The following ASTN1 variants were observed in gnomAD, a reference collection of about 807,000 sequenced individuals.
ASTN1 encodes the protein astrotactin-1.
ASTN1 carries 41 observed loss-of-function variants against 140.7 expected under a neutral mutation model. That is an observed-to-expected ratio of 0.29 (90% CI 0.23 to 0.38). ASTN1 has a LOEUF of 0.38. Ranked by LOEUF, ASTN1 falls within the 10% of genes least tolerant of loss-of-function variation. ASTN1 has a pLI of 1.00. For synonymous variants in ASTN1, 640 were observed against 652.2 expected (o/e 0.98, Z 0.29); for missense variants, 1,479 against 1,678.8 (o/e 0.88, Z 2.08).
At chr1:176,975,492 G>C (rs552782638) in intron 8 of ASTN1, among the ~76,000 whole-genome samples, 3 of 152,216 alleles carry the variant, frequency 2.0e-5, no homozygotes, top group African/African-American at 7.2e-5. Context: ...CAGGGCTGTT[G>C]GTTGGGCATC....
intron 2 of ASTN1, among the ~76,000 whole-genome samples, chr1:177,034,449 C>G (rs145665594): frequency 6.6e-6 from 1 of 152,254 alleles, no homozygotes; most frequent in African/African-American, 2.4e-5. Flanking sequence ...GGTGCAAGCT[C>G]TTATGCAAGT....
chr1:177,148,149 T>G (rs1044914193), intron 1 of ASTN1, among the ~76,000 whole-genome samples: 1 of 152,160 alleles, frequency 6.6e-6, no homozygotes, highest in African/African-American at 2.4e-5. Context: ...CCGGGTGTGG[T>G]GGCTCACGCC....
Position 177,016,981 on chromosome 1 carries a change from G to A in ASTN1, c.1439-2106C>T, listed in dbSNP as rs140757434. 3.9e-5 allele frequency among the ~76,000 whole-genome samples: 6 copies of A among 152,312 alleles called. No homozygotes were observed. The East Asian group carries it at 1.2e-3, about 29-fold the overall frequency. On this transcript the variant is annotated intron_variant, in intron 7 of 22. Coordinates refer to ENST00000361833, the MANE Select transcript of ASTN1 (RefSeq NM_004319.3). ...CACTCTGACTCTTAGAATGGTCTCG[G>A]CTAGACGCCTTGCCTAGAATTAGGG...
chr1:177,061,837 G>C (rs1440269250), intron 1 of ASTN1, among the ~76,000 whole-genome samples: 1 of 152,160 alleles, frequency 6.6e-6, no homozygotes, highest in Non-Finnish European at 1.5e-5. Context: ...AACTTGCTAT[G>C]ACAGGTAAAG....
downstream of ASTN1, among the ~76,000 whole-genome samples, chr1:176,860,112 G>C (rs757657814): frequency 6.6e-6 from 1 of 152,262 alleles, no homozygotes; most frequent in South Asian, 2.1e-4. Context: ...TCAGAGCTCC[G>C]AGAGCAAGAG....
intron 16 of ASTN1, among the ~76,000 whole-genome samples, chr1:176,903,261 C>T (rs1202012357): frequency 6.6e-6 from 1 of 151,816 alleles, no homozygotes; most frequent in African/African-American, 2.4e-5. Flanking sequence ...CTTTGCACAC[C>T]CTATAAAGTG....
intron 7 of ASTN1, among the ~76,000 whole-genome samples, chr1:177,022,271 C>A (rs1158604627): frequency 6.6e-6 from 1 of 152,120 alleles, no homozygotes; most frequent in Non-Finnish European, 1.5e-5. Flanking sequence ...CGGGGGGTGG[C>A]TGCACATGCT....
At chr1:177,098,876 C>T (rs1037529349) in intron 1 of ASTN1, among the ~76,000 whole-genome samples, 1 of 152,110 alleles carries the variant, frequency 6.6e-6, no homozygotes, top group African/African-American at 2.4e-5. Context: ...TTCAATAACC[C>T]CATCTGTGAT....
chr1:177,061,466 C>T (rs1057257667), intron 1 of ASTN1, among the ~76,000 whole-genome samples: 11 of 152,144 alleles, frequency 7.2e-5, no homozygotes, highest in Non-Finnish European at 7.4e-5. Context: ...AATTATCTCC[C>T]GTAGGTCTTT....
Position 177,010,050 on chromosome 1 carries a change from A to G in ASTN1, c.1523+4741T>C, listed in dbSNP as rs1006958423. Among the ~76,000 whole-genome samples the G allele has an allele frequency of 2.6e-5, 4 of 152,322 alleles. No homozygotes were observed. In the East Asian group the frequency reaches 7.7e-4, roughly 29 times the overall value. On this transcript the variant is annotated intron_variant, in intron 8 of 22. Transcript: ENST00000361833. Reference sequence around the variant, plus strand: ...TGGGTGTACTTTTAATTTAACAAAAAAACATGATTGTAGTCTTTCGTAATC... The same window carrying G: ...TGGGTGTACTTTTAATTTAACAAAAGAACATGATTGTAGTCTTTCGTAATC...
At chr1:176,946,777 C>T (rs1393824169) in intron 12 of ASTN1, among the ~76,000 whole-genome samples, 1 of 152,190 alleles carries the variant, frequency 6.6e-6, no homozygotes, top group Admixed American at 6.5e-5. Flanking sequence ...ACAACTGCTT[C>T]CTTGGCATCC....
At chr1:177,120,720 A>G (rs1348190538) in intron 1 of ASTN1, among the ~76,000 whole-genome samples, 1 of 152,128 alleles carries the variant, frequency 6.6e-6, no homozygotes, top group East Asian at 1.9e-4. Flanking sequence ...TTTTCTGCCT[A>G]CATTGGTATT....
In ASTN1 at chr1:177,026,243, C is replaced by T. The variant is rs1249161106; in HGVS notation, c.1121-1511G>A. Among the ~76,000 whole-genome samples the T allele has an allele frequency of 2.0e-5, 3 of 152,130 alleles. No homozygotes were observed. In the East Asian group the frequency reaches 5.8e-4, roughly 29 times the overall value. Reference sequence around the variant, plus strand: ...TATTCTGTGCATGTTACTATCCTTTCATAATACAGTCTATTTTCCTACGCT... The same window carrying T: ...TATTCTGTGCATGTTACTATCCTTTTATAATACAGTCTATTTTCCTACGCT... On this transcript the variant is annotated intron_variant, in intron 5 of 22. Coordinates refer to ENST00000361833, the MANE Select transcript of ASTN1 (RefSeq NM_004319.3).
chr1:177,078,713 A>G (rs1679038503), intron 1 of ASTN1, among the ~76,000 whole-genome samples: 1 of 152,180 alleles, frequency 6.6e-6, no homozygotes, highest in African/African-American at 2.4e-5. Flanking sequence ...ACGTCAAACC[A>G]CAATATGGTG....
At chr1:177,072,038 C>A (rs1292371539) in intron 1 of ASTN1, among the ~76,000 whole-genome samples, 1 of 152,150 alleles carries the variant, frequency 6.6e-6, no homozygotes, top group Admixed American at 6.5e-5. Context: ...GGGTAAGTGA[C>A]AATTTCAAGG....
chr1:176,883,049 T>G (rs941443226), intron 19 of ASTN1, 55 bp from the exon 20 acceptor site: 10 of 1,604,922 alleles, frequency 6.2e-6, no homozygotes, highest in Admixed American at 1.7e-5. Context: ...GGCCAAGCAA[T>G]GAGGAGATGG....
rs757643505 is a variant in ASTN1 at position 177,032,601 on chromosome 1, G to A, written c.720C>T (p.Asp240=). The A allele has an allele frequency of 2.5e-6, 4 of 1,614,038 alleles. No homozygotes were observed. The highest frequency in any genetic ancestry group is 1.1e-5 in the South Asian group (1 of 91,088). The change falls in exon 3 of 23, where the codon GAC becomes GAT. Residue 240 remains aspartate, a synonymous_variant. Coordinates refer to ENST00000361833, the MANE Select transcript of ASTN1 (RefSeq NM_004319.3). ...TLSIRETPIL[D]GYEYDITDLR... ...GATCAGTGATGTCATACTCATAGCC[G>A]TCCAGGATAGGTGTCTCCCGGATGC...
intron 9 of ASTN1, among the ~76,000 whole-genome samples, chr1:176,958,986 C>A (rs1179483529): frequency 1.3e-5 from 2 of 152,102 alleles, no homozygotes; most frequent in African/African-American, 2.4e-5. Flanking sequence ...AGCCAAGAGC[C>A]TCCAGGGAGG....
intron 16 of ASTN1, among the ~76,000 whole-genome samples, chr1:176,898,511 C>G (rs1557944429): frequency 6.6e-6 from 1 of 152,208 alleles, no homozygotes; most frequent in Non-Finnish European, 1.5e-5. Flanking sequence ...GGGAAGTACT[C>G]TTTAAAATGA....
Sources: gnomAD v4.1 joint callset for allele counts (sites outside exome capture counted in the v4.1 genomes callset) on GRCh38, gnomAD v4.1.1 for gene constraint, MANE v1.5 for transcripts, NCBI Gene and HGNC (gene_info 2026-07-23, HGNC 2026-07-21) for gene names.